The following MYO1D variants were observed in gnomAD, a reference collection of about 807,000 sequenced individuals.
MYO1D encodes the protein unconventional myosin-Id.
MYO1D carries 83 observed loss-of-function variants against 122.0 expected under a neutral mutation model. The ratio of observed to expected loss-of-function variants is 0.68; its 90% CI spans 0.57 to 0.82. The LOEUF (loss-of-function observed/expected upper bound fraction) is 0.82. Ranked by LOEUF, MYO1D falls within the 40% of genes least tolerant of loss-of-function variation. MYO1D has a pLI of 0.00. For missense variants in MYO1D, 1,157 were observed against 1,269.5 expected, an observed-to-expected ratio of 0.91 and a Z score of 1.35; for synonymous variants, 464 against 446.9, an observed-to-expected ratio of 1.04 and a Z score of -0.48.
chr17:32,712,713 C>T (rs1408630228), intron 15 of MYO1D, among the ~76,000 whole-genome samples: 1 of 152,280 alleles, frequency 6.6e-6, no homozygotes, highest in East Asian at 1.9e-4. Flanking sequence ...AGTGTTGCTG[C>T]ACATAAGAGC....
At chr17:32,524,654 C>G (rs986119751) in intron 21 of MYO1D, among the ~76,000 whole-genome samples, 2 of 150,814 alleles carry the variant, frequency 1.3e-5, no homozygotes, top group Non-Finnish European at 1.5e-5. Context: ...ACCTCCGCCT[C>G]TGGGTTCAAG....
At chr17:32,535,154 T>C (rs563509505) in intron 21 of MYO1D, among the ~76,000 whole-genome samples, 9 of 152,174 alleles carry the variant, frequency 5.9e-5, no homozygotes, top group African/African-American at 2.2e-4. Flanking sequence ...CTATTAGAGG[T>C]TCTTTTTCAG....
At chr17:32,609,414 C>T (rs2087671414) in intron 20 of MYO1D, among the ~76,000 whole-genome samples, 1 of 152,202 alleles carries the variant, frequency 6.6e-6, no homozygotes, top group African/African-American at 2.4e-5. Flanking sequence ...AATGTGATCC[C>T]TGTTCTTGGG....
chr17:32,805,531 C>T (rs1015837102), intron 1 of MYO1D, among the ~76,000 whole-genome samples: 4 of 152,040 alleles, frequency 2.6e-5, no homozygotes, highest in Non-Finnish European at 5.9e-5. Context: ...GATTTCCTCA[C>T]ATATTGAGTT....
chr17:32,500,661 C>T (rs1909286854), intron 21 of MYO1D, among the ~76,000 whole-genome samples: 1 of 150,660 alleles, frequency 6.6e-6, no homozygotes, highest in African/African-American at 2.4e-5. Context: ...CTGAGCACTG[C>T]CCAGCTGACG....
chr17:32,624,973 T>A (rs999778551), intron 20 of MYO1D, among the ~76,000 whole-genome samples: 1 of 152,136 alleles, frequency 6.6e-6, no homozygotes, highest in Non-Finnish European at 1.5e-5. Context: ...GTATTTTTAG[T>A]AGAGATGGGG....
intron 16 of MYO1D, among the ~76,000 whole-genome samples, chr17:32,704,351 A>G (rs977499477): frequency 1.3e-5 from 2 of 152,212 alleles, no homozygotes; most frequent in African/African-American, 4.8e-5. Flanking sequence ...CACATTTTTC[A>G]ATATTCAGAC....
intron 14 of MYO1D, among the ~76,000 whole-genome samples, chr17:32,735,594 C>CG (rs2089692552): frequency 2.5e-5 from 3 of 120,872 alleles, no homozygotes; most frequent in African/African-American, 8.3e-5. Context: ...TTCTCACTAA[C>CG]ATTTTTGTCT....
chr17:32,673,090 CTTTTTTTTTTTTTTTTTTTTTT>C (rs60912187), intron 16 of MYO1D, among the ~76,000 whole-genome samples: 607 of 28,658 alleles, frequency 0.021, 17 homozygotes, highest in Middle Eastern at 0.088. Context: ...AAACATGCTA[CTTTTTTTTTTTTTTTTTTTTTT>C]TTTTTTTTTT....
chr17:32,648,900 T>A (rs2088340885), intron 19 of MYO1D, among the ~76,000 whole-genome samples: 1 of 152,218 alleles, frequency 6.6e-6, no homozygotes, highest in South Asian at 2.1e-4. Flanking sequence ...GATTTTTTTT[T>A]ATAATTTCGT....
At chr17:32,720,552 C>T (rs2089498021) in intron 15 of MYO1D, among the ~76,000 whole-genome samples, 1 of 152,162 alleles carries the variant, frequency 6.6e-6, no homozygotes, top group South Asian at 2.1e-4. Context: ...ATGATAATTA[C>T]TGACACCAGT....
At chr17:32,682,717 A>C (rs1567946725) in intron 16 of MYO1D, among the ~76,000 whole-genome samples, 2 of 117,420 alleles carry the variant, frequency 1.7e-5, no homozygotes, top group African/African-American at 3.8e-5. Context: ...GAATCTGACA[A>C]TTACGTGTCT....
intron 21 of MYO1D, among the ~76,000 whole-genome samples, chr17:32,601,359 G>C (rs535302601): frequency 6.6e-6 from 1 of 152,224 alleles, no homozygotes; most frequent in South Asian, 2.1e-4. Context: ...GGGAATAGGG[G>C]AGCCTGAGGA....
chr17:32,808,290 G>A (rs879483244), intron 1 of MYO1D, among the ~76,000 whole-genome samples: 10 of 151,670 alleles, frequency 6.6e-5, no homozygotes, highest in Admixed American at 5.9e-4. Context: ...CAGGAGGATT[G>A]CTTGAGCCCA....
rs570149150 is a variant in MYO1D at position 32,655,531 on chromosome 17, C to T, written c.2346-910G>A. On this transcript the variant is annotated intron_variant, in intron 17 of 21. Coordinates refer to ENST00000318217, the MANE Select transcript of MYO1D (RefSeq NM_015194.3). ...GATAGATGAGCAGAGACCTACAGGC[C>T]GTGAGGGAGCTGGTCATACGGAGAC... Among the ~76,000 whole-genome samples, 13 of 152,148 alleles carry T rather than the reference C, an allele frequency of 8.5e-5. No homozygotes were observed. In the East Asian group the frequency reaches 1.2e-3, roughly 14 times the overall value.
intron 1 of MYO1D, among the ~76,000 whole-genome samples, chr17:32,825,959 G>C (rs1259992396): frequency 6.6e-6 from 1 of 151,126 alleles, no homozygotes; most frequent in African/African-American, 2.4e-5. Flanking sequence ...TGAGGCAGGA[G>C]GATTGCCTCA....
rs539965884 is a variant in MYO1D at position 32,610,135 on chromosome 17, G to A, written c.2710-4894C>T. ...GGGTTCAGGGAAAAGAGACAGATTC[G>A]GCAAAGAACGCTGAAACCACAGGGA... On this transcript the variant is annotated intron_variant, in intron 20 of 21. Coordinates refer to ENST00000318217, the MANE Select transcript of MYO1D (RefSeq NM_015194.3). Among the ~76,000 whole-genome samples the A allele has an allele frequency of 6.6e-5, 10 of 152,148 alleles. No homozygotes were observed. The East Asian group carries it at 9.7e-4, about 15-fold the overall frequency.
At chr17:32,871,203 C>T (rs545328069) in intron 1 of MYO1D, among the ~76,000 whole-genome samples, 2 of 152,242 alleles carry the variant, frequency 1.3e-5, no homozygotes, top group Admixed American at 1.3e-4. Flanking sequence ...AGACACCCAC[C>T]CACACACAAC....
At chr17:32,611,570 G>A (rs982377122) in intron 20 of MYO1D, among the ~76,000 whole-genome samples, 1 of 152,226 alleles carries the variant, frequency 6.6e-6, no homozygotes, top group Non-Finnish European at 1.5e-5. Flanking sequence ...CAAGTGTGGT[G>A]GCTTACACCA....
Sources: gnomAD v4.1 joint callset for allele counts (sites outside exome capture counted in the v4.1 genomes callset) on GRCh38, gnomAD v4.1.1 for gene constraint, MANE v1.5 for transcripts, NCBI Gene and HGNC (gene_info 2026-07-23, HGNC 2026-07-21) for gene names.